The following GFRA2 variants were observed in gnomAD, a reference collection of about 807,000 sequenced individuals.
GFRA2 encodes GDNF family receptor alpha 2.
GFRA2 carries 17 observed loss-of-function variants against 48.3 expected under a neutral mutation model. The ratio of observed to expected loss-of-function variants is 0.35; its 90% CI spans 0.24 to 0.53. GFRA2 has a LOEUF of 0.53. Among genes scored for constraint, GFRA2 ranks in the 20% least tolerant of loss-of-function variants. The probability of loss-of-function intolerance (pLI) is 0.93; values close to 1 mark genes in which losing one functional copy is unlikely to be tolerated. For missense variants in GFRA2, 660 were observed against 637.3 expected (o/e 1.04, Z -0.38); for synonymous variants, 305 against 257.2 (o/e 1.19, Z -1.78).
At chr8:21,732,347 G>A (rs1032367138) in intron 4 of GFRA2, among the ~76,000 whole-genome samples, 1 of 152,254 alleles carries the variant, frequency 6.6e-6, no homozygotes, top group South Asian at 2.1e-4. Flanking sequence ...GGCCTGCCGA[G>A]TGGAGCAGCC....
chr8:21,767,334 C>G (rs1325889201), intron 3 of GFRA2, among the ~76,000 whole-genome samples: 2 of 152,316 alleles, frequency 1.3e-5, no homozygotes, highest in Non-Finnish European at 2.9e-5. Context: ...CTCTCACACA[C>G]ACACATCCTA....
intron 1 of GFRA2, among the ~76,000 whole-genome samples, chr8:21,808,645 T>A (rs1007400241): frequency 6.6e-6 from 1 of 152,202 alleles, no homozygotes; most frequent in Admixed American, 6.5e-5. Flanking sequence ...ATAACAGAGC[T>A]GCTGGAAGAG....
Position 21,750,599 on chromosome 8 carries a change from G to A in GFRA2, c.783C>T (p.Asp261=). 4 of 1,601,182 alleles carry A rather than the reference G, an allele frequency of 2.5e-6. No individual in the cohort carries two copies. Among genetic ancestry groups the A allele is most frequent in the Non-Finnish European group, 3.4e-6 (4 of 1,172,478 alleles). Residue 261 remains aspartate (D), a synonymous_variant, in exon 4 of 9, where the codon GAC becomes GAT. Transcript: ENST00000524240. The surrounding 1 kb of genome is among the most constrained non-coding windows in gnomAD (Gnocchi z 5.7). ...GCCGCGGCACTCACCGACACAGGTGGTCAGTCCGGCACACGCCACGCAGGT... is the reference window on the plus strand; with the variant it reads ...GCCGCGGCACTCACCGACACAGGTGATCAGTCCGGCACACGCCACGCAGGT... ...CLDLRGVCRT[D]HLCRSRLADF...
In GFRA2 at chr8:21,750,504, C is replaced by T; in HGVS notation, c.794+84G>A. 1.3e-6 allele frequency: 1 copy of T among 747,356 alleles called. No individual in the cohort carries two copies. The highest frequency in any genetic ancestry group is 2.2e-6 in the Non-Finnish European group (1 of 449,806). 46.3% of individuals were successfully genotyped at this position (747,356 alleles called of 1,614,324 possible). ...GACTCAGGGTCATAATTCGATGCAC[C>T]CAAGGAATGCAGAGAAAGGAAAACA... On this transcript the variant is annotated intron_variant, in intron 4 of 8. Coordinates refer to ENST00000524240, the MANE Select transcript of GFRA2 (RefSeq NM_001495.5). This position sits in a 1 kb window ranked among gnomAD's most constrained non-coding sequence, Gnocchi z 5.7.
intron 4 of GFRA2, among the ~76,000 whole-genome samples, chr8:21,727,531 C>T (rs1476535455): frequency 6.6e-5 from 10 of 152,224 alleles, no homozygotes; most frequent in African/African-American, 1.9e-4. Context: ...ACCACCTCCC[C>T]ATCACGGCCC....
At chr8:21,760,651 G>A (rs920951444) in intron 3 of GFRA2, among the ~76,000 whole-genome samples, 4 of 152,190 alleles carry the variant, frequency 2.6e-5, no homozygotes, top group Non-Finnish European at 5.9e-5. Flanking sequence ...GGGTCCACAA[G>A]CCTGGAGTTC....
intron 7 of GFRA2, among the ~76,000 whole-genome samples, chr8:21,697,743 G>A (rs1270855310): frequency 6.6e-6 from 1 of 152,176 alleles, no homozygotes; most frequent in Non-Finnish European, 1.5e-5. Flanking sequence ...GAACCAGTGG[G>A]AGATAACTGA....
intron 4 of GFRA2, among the ~76,000 whole-genome samples, chr8:21,730,973 G>A (rs1184371817): frequency 2.6e-5 from 4 of 152,112 alleles, no homozygotes; most frequent in Non-Finnish European, 5.9e-5. Context: ...TAGATTCAGG[G>A]CTGGGACCCG....
At chr8:21,801,320 C>A (rs112068057) in intron 2 of GFRA2, among the ~76,000 whole-genome samples, 1 of 152,016 alleles carries the variant, frequency 6.6e-6, no homozygotes, top group African/African-American at 2.4e-5. Context: ...GGCAGGAGGA[C>A]AGGGCTAATG....
chr8:21,800,290 A>G (rs1807747321), intron 2 of GFRA2, among the ~76,000 whole-genome samples: 1 of 152,230 alleles, frequency 6.6e-6, no homozygotes, highest in Admixed American at 6.5e-5. Flanking sequence ...GTTAACAGAG[A>G]GACAAGGCCC....
chr8:21,797,757 T>TTC (rs1310006416), intron 2 of GFRA2: 1 of 152,244 alleles, frequency 6.6e-6, no homozygotes. Context: ...TTGCCCAGGC[T>TTC]GGTGAGTGGT....
chr8:21,731,224 G>A (rs1804176808), intron 4 of GFRA2, among the ~76,000 whole-genome samples: 1 of 152,106 alleles, frequency 6.6e-6, no homozygotes, highest in Non-Finnish European at 1.5e-5. Context: ...TTCTATGCTG[G>A]TGCCATAACC....
chr8:21,724,134 C>T (rs963356147), intron 4 of GFRA2, among the ~76,000 whole-genome samples: 8 of 152,122 alleles, frequency 5.3e-5, no homozygotes, highest in African/African-American at 1.9e-4. Context: ...ACCTCTGACC[C>T]CAGGCTCTAG....
chr8:21,746,326 C>T (rs1354720435), intron 4 of GFRA2, among the ~76,000 whole-genome samples: 1 of 152,202 alleles, frequency 6.6e-6, no homozygotes, highest in Non-Finnish European at 1.5e-5. Context: ...TCTCCATGCT[C>T]GTGCCAGACT....
intron 7 of GFRA2, among the ~76,000 whole-genome samples, chr8:21,697,055 AG>A (rs1473079018): frequency 8.5e-6 from 1 of 117,260 alleles, no homozygotes; most frequent in Non-Finnish European, 1.7e-5. Flanking sequence ...GACAGAGGAG[AG>A]GGAAGGGGAC....
At chr8:21,723,172 G>A (rs1313160782) in intron 4 of GFRA2, among the ~76,000 whole-genome samples, 1 of 152,162 alleles carries the variant, frequency 6.6e-6, no homozygotes, top group African/African-American at 2.4e-5. Flanking sequence ...GAAAAAGGAT[G>A]GGACTTCTAT....
chr8:21,790,027 G>C (rs1807518756), upstream of GFRA2: 2 of 978,552 alleles, frequency 2.0e-6, no homozygotes, highest in African/African-American at 1.8e-5. Context: ...TCCCCTAGCC[G>C]GGAAGGGGGC....
At chr8:21,726,138 G>C (rs1454387855) in intron 4 of GFRA2, among the ~76,000 whole-genome samples, 1 of 152,120 alleles carries the variant, frequency 6.6e-6, no homozygotes, top group African/African-American at 2.4e-5. Context: ...ACCCTGGGTG[G>C]ACTCCACCCC....
intron 8 of GFRA2, 98 bp from the exon 9 acceptor site, chr8:21,693,498 C>G (rs1801974851): frequency 1.8e-6 from 2 of 1,133,840 alleles, no homozygotes; most frequent in Non-Finnish European, 2.5e-6. Context: ...GACTCAGGAA[C>G]TGGACACCTC....
Sources: allele counts gnomAD v4.1 joint callset (sites outside exome capture counted in the v4.1 genomes callset), GRCh38; gene constraint gnomAD v4.1.1; non-coding constraint Gnocchi (gnomAD v3.1); transcripts MANE v1.5; gene names NCBI Gene and HGNC (gene_info 2026-07-23, HGNC 2026-07-21).